The following PRELID2 variants were observed in gnomAD, a reference collection of about 807,000 sequenced individuals.
PRELID2 encodes PRELI domain containing 2.
In PRELID2, 25 loss-of-function variants were observed where a neutral mutation model predicts 28.4. That is an observed-to-expected ratio of 0.88 (90% CI 0.64 to 1.23). The LOEUF (loss-of-function observed/expected upper bound fraction) is 1.23, where lower values mean the gene tolerates loss of function less well. PRELID2 is among the 50% of genes most tolerant of loss of function. The probability of loss-of-function intolerance (pLI) is 0.00; values close to 1 mark genes in which losing one functional copy is unlikely to be tolerated. For synonymous variants in PRELID2, 76 were observed against 71.6 expected (o/e 1.06, Z -0.31); for missense variants, 201 against 214.4 (o/e 0.94, Z 0.39).
At chr5:145,645,909 T>G (rs1754188845) in intron 1 of PRELID2, among the ~76,000 whole-genome samples, 1 of 152,214 alleles carries the variant, frequency 6.6e-6, no homozygotes, top group Non-Finnish European at 1.5e-5. Context: ...CCGCTGTTAA[T>G]CTGACGGGCT....
At chr5:145,741,003 T>C (rs1247639706) in intron 1 of PRELID2, among the ~76,000 whole-genome samples, 1 of 116,442 alleles carries the variant, frequency 8.6e-6, no homozygotes, top group African/African-American at 3.4e-5. Flanking sequence ...ATATATATTA[T>C]ATATTTGTAT....
the PRELID2 span, among the ~76,000 whole-genome samples, chr5:145,367,977 T>C: frequency 5.3e-5 from 8 of 151,972 alleles, no homozygotes; most frequent in East Asian, 9.6e-4. Flanking sequence ...AATCATATGA[T>C]ACAATTATGT....
the PRELID2 span, among the ~76,000 whole-genome samples, chr5:145,259,251 C>A: frequency 5.9e-5 from 9 of 152,278 alleles, no homozygotes; most frequent in Non-Finnish European, 1.2e-4. Flanking sequence ...GGGATTTGAG[C>A]CCCTACACAG....
At chr5:145,739,829 TA>T (rs1367578579) in intron 1 of PRELID2, among the ~76,000 whole-genome samples, 4 of 151,696 alleles carry the variant, frequency 2.6e-5, no homozygotes, top group African/African-American at 9.7e-5. Context: ...CTAATTTTTT[TA>T]AAAAACTGTA....
At chr5:145,437,477 T>A in the PRELID2 span, among the ~76,000 whole-genome samples, 1 of 152,194 alleles carries the variant, frequency 6.6e-6, no homozygotes, top group Non-Finnish European at 1.5e-5. Context: ...AGCAATTAAA[T>A]GTCTTTAGTA....
At chr5:145,571,722 C>T (rs983484279) in intron 1 of PRELID2, among the ~76,000 whole-genome samples, 4 of 151,948 alleles carry the variant, frequency 2.6e-5, no homozygotes, top group Non-Finnish European at 4.4e-5. Context: ...TGGTTCACGC[C>T]TCTAATCCCA....
chr5:145,238,094 G>A, the PRELID2 span, among the ~76,000 whole-genome samples: 1 of 151,988 alleles, frequency 6.6e-6, no homozygotes, highest in Non-Finnish European at 1.5e-5. Flanking sequence ...TTGCTAGAGC[G>A]CCACCTAGAG....
chr5:145,747,564 C>A (rs1333709634), intron 1 of PRELID2, among the ~76,000 whole-genome samples: 2 of 152,228 alleles, frequency 1.3e-5, no homozygotes, highest in East Asian at 3.9e-4. Flanking sequence ...AGCCCAGGAC[C>A]AGATTGATTC....
chr5:145,595,375 T>A (rs76516351), intron 1 of PRELID2, among the ~76,000 whole-genome samples: 1,847 of 151,924 alleles, frequency 0.012, 32 homozygotes, highest in African/African-American at 0.042. Context: ...AAAGAAGAGG[T>A]AAAGGTGGGT....
At chr5:145,716,058 T>A (rs564287453) in intron 1 of PRELID2, among the ~76,000 whole-genome samples, 1 of 151,438 alleles carries the variant, frequency 6.6e-6, no homozygotes, top group Non-Finnish European at 1.5e-5. Flanking sequence ...TTTTTGGCGA[T>A]TTTTTTTTAG....
At chr5:145,363,803 A>G in the PRELID2 span, among the ~76,000 whole-genome samples, 1 of 152,022 alleles carries the variant, frequency 6.6e-6, no homozygotes, top group Non-Finnish European at 1.5e-5. Context: ...TTCTGAAAGG[A>G]GTTATGTTTA....
chr5:145,655,962 G>A (rs761852500), intron 1 of PRELID2, among the ~76,000 whole-genome samples: 40 of 152,090 alleles, frequency 2.6e-4, no homozygotes, highest in Non-Finnish European at 4.3e-4. Flanking sequence ...GAGTGAACAG[G>A]CAACCTACAG....
At chr5:145,571,346 A>G (rs62392714) in intron 1 of PRELID2, among the ~76,000 whole-genome samples, 5,352 of 152,236 alleles carry the variant, frequency 0.035, 193 homozygotes, top group African/African-American at 0.085. Flanking sequence ...GGGGCCAAAC[A>G]TGCCTCATTA....
intron 1 of PRELID2, among the ~76,000 whole-genome samples, chr5:145,559,836 TA>T (rs59361990): frequency 0.75 from 106,050 of 142,312 alleles, 41,147 homozygotes; most frequent in Non-Finnish European, 0.86. Flanking sequence ...TAAAAAGAGG[TA>T]AAAAAAAAAA....
At chr5:145,545,127 T>A (rs1408071799) in intron 1 of PRELID2, among the ~76,000 whole-genome samples, 1 of 152,164 alleles carries the variant, frequency 6.6e-6, no homozygotes, top group Non-Finnish European at 1.5e-5. Flanking sequence ...TACCTCAAAA[T>A]GACAGTTACC....
chr5:145,716,411 A>G (rs921394586), intron 1 of PRELID2, among the ~76,000 whole-genome samples: 3 of 152,156 alleles, frequency 2.0e-5, no homozygotes, highest in Non-Finnish European at 2.9e-5. Context: ...TGACACTTCT[A>G]TATCAGAGCC....
the PRELID2 span, among the ~76,000 whole-genome samples, chr5:145,298,713 C>CTG: frequency 6.6e-6 from 1 of 152,108 alleles, no homozygotes; most frequent in East Asian, 1.9e-4. Context: ...GCCTCCAGAA[C>CTG]TGTGAGCCAA....
At chr5:145,828,111 G>A (rs1755324155) in intron 1 of PRELID2, among the ~76,000 whole-genome samples, 1 of 152,146 alleles carries the variant, frequency 6.6e-6, no homozygotes, top group African/African-American at 2.4e-5. Flanking sequence ...GTGAATTTTA[G>A]AGCCCAAGAG....
chr5:145,650,485 A>G (rs1754271575), intron 1 of PRELID2, among the ~76,000 whole-genome samples: 1 of 147,808 alleles, frequency 6.8e-6, no homozygotes, highest in Admixed American at 6.8e-5. Flanking sequence ...CCAGAAGCAG[A>G]ATACTGCTAA....
Sources: gnomAD v4.1 joint callset for allele counts (sites outside exome capture counted in the v4.1 genomes callset) on GRCh38, gnomAD v4.1.1 for gene constraint, MANE v1.5 for transcripts, NCBI Gene and HGNC (gene_info 2026-07-23, HGNC 2026-07-21) for gene names.